The following NBDY variants were observed in gnomAD, a reference collection of about 807,000 sequenced individuals.
NBDY encodes negative regulator of P-body association.
chrX:56,817,597 C>G lies in NBDY; in HGVS notation c.*444C>G, dbSNP rs1221607424. Reference sequence around the variant, plus strand: ...GCGCTGTGTTAGATCTATATGACTACATCTAGTAAATTGTGAATTTTAAGT... The same window carrying G: ...GCGCTGTGTTAGATCTATATGACTAGATCTAGTAAATTGTGAATTTTAAGT... On this transcript the variant is annotated 3_prime_UTR_variant, in exon 3 of 3. Coordinates refer to ENST00000374922, the MANE Select transcript of NBDY (RefSeq NM_001348129.2). 8.9e-6 allele frequency: 1 copy of G among 112,259 alleles called. No homozygotes were observed. The highest frequency in any genetic ancestry group is 1.9e-5 in the Non-Finnish European group (1 of 53,248). 9.3% of individuals were successfully genotyped at this position (112,259 alleles called of 1,213,427 possible).
chrX:56,817,220 A>C (rs905997944), intron 2 of NBDY, 100 bp from the exon 3 acceptor site: 2 of 112,058 alleles, frequency 1.8e-5, no homozygotes, highest in African/African-American at 3.2e-5. Flanking sequence ...CTTAATAGGG[A>C]AATTGGGGTG....
intron 2 of NBDY, among the ~76,000 whole-genome samples, chrX:56,799,654 C>T (rs189038390): frequency 3.5e-5 from 4 of 113,328 alleles, no homozygotes; most frequent in East Asian, 5.6e-4. Flanking sequence ...AAACACCTTC[C>T]GCCGGATGGC....
At chrX:56,729,942 G>C (rs2069448494) in intron 1 of NBDY, among the ~76,000 whole-genome samples, 1 of 109,482 alleles carries the variant, frequency 9.1e-6, no homozygotes, top group Non-Finnish European at 1.9e-5. Context: ...GTATATGTAG[G>C]GATTTATTAT....
At chrX:56,767,775 G>C (rs774214502) in intron 2 of NBDY, among the ~76,000 whole-genome samples, 1 of 103,943 alleles carries the variant, frequency 9.6e-6, no homozygotes, top group South Asian at 4.7e-4. Context: ...GGTTGTGGTT[G>C]TACTTGGCAT....
intron 2 of NBDY, among the ~76,000 whole-genome samples, chrX:56,781,142 C>T (rs1024983332): frequency 4.5e-5 from 5 of 111,248 alleles, no homozygotes; most frequent in African/African-American, 1.6e-4. Context: ...GAACATCAAT[C>T]ACGTCTGAAC....
At chrX:56,741,713 T>A (rs1009998420) in intron 2 of NBDY, among the ~76,000 whole-genome samples, 9 of 111,787 alleles carry the variant, frequency 8.1e-5, no homozygotes, top group African/African-American at 2.9e-4. Context: ...TATTGAGTTG[T>A]TTGAGCTCCT....
intron 2 of NBDY, among the ~76,000 whole-genome samples, chrX:56,740,930 A>G (rs899850303): frequency 9.0e-6 from 1 of 110,563 alleles, no homozygotes; most frequent in Non-Finnish European, 1.9e-5. Flanking sequence ...CTATCAAATA[A>G]TAGGTCTTAT....
chrX:56,750,236 C>G (rs1447676035), intron 2 of NBDY, among the ~76,000 whole-genome samples: 1 of 111,362 alleles, frequency 9.0e-6, no homozygotes, highest in Non-Finnish European at 1.9e-5. Context: ...AATCCAATGA[C>G]TGGATTTTGG....
chrX:56,762,930 G>A (rs1190523578), intron 2 of NBDY, among the ~76,000 whole-genome samples: 1 of 110,711 alleles, frequency 9.0e-6, no homozygotes, highest in Non-Finnish European at 1.9e-5. Context: ...ACCTCACAGG[G>A]GCACAGGGGT....
At chrX:56,811,825 G>C (rs186796166) in intron 2 of NBDY, among the ~76,000 whole-genome samples, 1 of 112,037 alleles carries the variant, frequency 8.9e-6, no homozygotes, top group African/African-American at 3.3e-5. Context: ...AACTTTTGTG[G>C]CTAGCTTGGT....
intron 2 of NBDY, among the ~76,000 whole-genome samples, chrX:56,787,360 G>A (rs1045458695): frequency 5.4e-5 from 6 of 110,876 alleles, no homozygotes; most frequent in Admixed American, 1.9e-4. Flanking sequence ...GCAAAGGGGC[G>A]TGGGCTTAAG....
intron 2 of NBDY, among the ~76,000 whole-genome samples, chrX:56,753,231 A>C (rs1451390093): frequency 8.9e-6 from 1 of 112,457 alleles, no homozygotes; most frequent in Non-Finnish European, 1.9e-5. Context: ...TGGAGACAAG[A>C]TCTTTCTGTA....
chrX:56,750,845 G>T (rs759252876), intron 2 of NBDY, among the ~76,000 whole-genome samples: 194 of 111,205 alleles, frequency 1.7e-3, no homozygotes, highest in African/African-American at 5.8e-3. Flanking sequence ...TTTTTCTCCT[G>T]AATGACAATA....
intron 2 of NBDY, among the ~76,000 whole-genome samples, chrX:56,788,094 GA>G (rs1459008381): frequency 8.9e-6 from 1 of 112,494 alleles, no homozygotes; most frequent in Non-Finnish European, 1.9e-5. Context: ...AGGACCAAAG[GA>G]AGGGCAAAGG....
intron 2 of NBDY, chrX:56,737,343 C>G: frequency 1.3e-6 from 1 of 751,580 alleles, no homozygotes; most frequent in Non-Finnish European, 2.1e-6. Flanking sequence ...GTCCACTGCT[C>G]TTTAGGCAAG....
chrX:56,786,149 C>T (rs750887671), intron 2 of NBDY, among the ~76,000 whole-genome samples: 1 of 110,286 alleles, frequency 9.1e-6, no homozygotes, highest in African/African-American at 3.3e-5. Context: ...GGGGGTCCTT[C>T]CCTGCTTTGG....
intron 2 of NBDY, among the ~76,000 whole-genome samples, chrX:56,805,251 G>A (rs1462259348): frequency 1.8e-5 from 2 of 112,815 alleles, no homozygotes; most frequent in African/African-American, 6.4e-5. Flanking sequence ...CAAGAAGAAA[G>A]GAATGCAGGA....
In NBDY at chrX:56,756,608, G is replaced by A. The variant is rs373476921; in HGVS notation, c.*166+24409G>A. 1.2e-3 allele frequency among the ~76,000 whole-genome samples: 137 copies of A among 111,930 alleles called. 1 individual carries two copies. The highest frequency in any genetic ancestry group is 4.1e-3 in the African/African-American group (127 of 30,865). On this transcript the variant is annotated intron_variant, in intron 2 of 2. Coordinates refer to ENST00000374922, the MANE Select transcript of NBDY (RefSeq NM_001348129.2). Reference sequence around the variant, plus strand: ...AAAAAGAATAACATATTAGCGAAGTGCATTAAGGAAGGCAACAGACGAATA... The same window carrying A: ...AAAAAGAATAACATATTAGCGAAGTACATTAAGGAAGGCAACAGACGAATA...
intron 2 of NBDY, among the ~76,000 whole-genome samples, chrX:56,794,620 T>G (rs2069782889): frequency 2.2e-5 from 2 of 92,184 alleles, no homozygotes; most frequent in Admixed American, 1.1e-4. Flanking sequence ...GGCGGTGGCA[T>G]GGTGGGGGTA....
Sources: gnomAD v4.1 joint callset for allele counts (sites outside exome capture counted in the v4.1 genomes callset) on GRCh38, gnomAD v4.1.1 for gene constraint, MANE v1.5 for transcripts, NCBI Gene and HGNC (gene_info 2026-07-23, HGNC 2026-07-21) for gene names.